The following SUPT3H variants were observed in gnomAD, a reference collection of about 807,000 sequenced individuals.
The protein encoded by SUPT3H is SPT3 homolog, SAGA and STAGA complex component.
SUPT3H carries 44 observed loss-of-function variants against 44.3 expected under a neutral mutation model. The observed-to-expected ratio is 0.99, with a 90% CI of 0.78 to 1.28. The LOEUF (loss-of-function observed/expected upper bound fraction) is 1.28. Ranked by LOEUF, SUPT3H falls within the 50% of genes most tolerant of loss-of-function variation. SUPT3H has a pLI of 0.00. For missense variants in SUPT3H, 380 were observed against 387.1 expected, an observed-to-expected ratio of 0.98 and a Z score of 0.15; for synonymous variants, 124 against 125.6, an observed-to-expected ratio of 0.99 and a Z score of 0.09.
At chr6:45,210,119 A>AC (rs535729324) in intron 2 of SUPT3H, among the ~76,000 whole-genome samples, 30 of 152,316 alleles carry the variant, frequency 2.0e-4, no homozygotes, top group Non-Finnish European at 4.0e-4. Context: ...ACATAAGGCT[A>AC]CTGGAAAGGA....
chr6:44,899,127 C>T (rs1378892690), intron 10 of SUPT3H: 1 of 152,132 alleles, frequency 6.6e-6, no homozygotes, highest in Non-Finnish European at 1.5e-5. Flanking sequence ...AGAAGATTCA[C>T]ACTTTTTAGA....
chr6:45,037,504 GA>G (rs1278036707), intron 3 of SUPT3H, among the ~76,000 whole-genome samples: 4 of 147,234 alleles, frequency 2.7e-5, no homozygotes, highest in Non-Finnish European at 4.5e-5. Context: ...AAAAAAAAAA[GA>G]AAAAAAAAGT....
rs776251390 is a variant in SUPT3H at position 45,328,649 on chromosome 6, T to G, written c.101+36552A>C. ...AACTAAAACAAGGTTTGGGTATGGTTTGTATTTTCAGTTTAAGGCTGCAAG... is the reference window on the plus strand; with the variant it reads ...AACTAAAACAAGGTTTGGGTATGGTGTGTATTTTCAGTTTAAGGCTGCAAG... On this transcript the variant is annotated intron_variant, in intron 2 of 10. Transcript: ENST00000371459. 8 of 1,610,846 alleles carry G rather than the reference T, an allele frequency of 5.0e-6. 1 individual carries two copies. The South Asian group carries it at 8.8e-5, about 18-fold the overall frequency.
At chr6:45,293,149 A>C (rs1242625704) in intron 2 of SUPT3H, among the ~76,000 whole-genome samples, 1 of 152,192 alleles carries the variant, frequency 6.6e-6, no homozygotes, top group Non-Finnish European at 1.5e-5. Flanking sequence ...TTCAAACCAC[A>C]GTGGGATAAA....
At position 44,828,321 on chromosome 6, in the gene SUPT3H, G is replaced by A. The variant is rs589285; in HGVS notation, c.*1495C>T. 0.02 allele frequency among the ~76,000 whole-genome samples: 3,099 copies of A among 152,120 alleles called. 42 individuals are homozygous for A. The highest frequency in any genetic ancestry group is 0.033 in the Non-Finnish European group (2,215 of 67,972). On this transcript the variant is annotated 3_prime_UTR_variant, in exon 11 of 11. Transcript: ENST00000371459. ...CATAGATGGAACATCAAAATCCTTT[G>A]GGAATATTTTGATATTATATATCTA...
intron 2 of SUPT3H, among the ~76,000 whole-genome samples, chr6:45,328,981 G>C (rs1158453704): frequency 1.3e-5 from 2 of 151,896 alleles, no homozygotes; most frequent in Non-Finnish European, 2.9e-5. Flanking sequence ...AATTTTCAAA[G>C]TAATGACTTG....
chr6:44,952,700 T>C (rs1169080589), intron 9 of SUPT3H, among the ~76,000 whole-genome samples: 1 of 152,204 alleles, frequency 6.6e-6, no homozygotes, highest in African/African-American at 2.4e-5. Flanking sequence ...GTAGATGCTG[T>C]TTACAGAGGA....
intron 6 of SUPT3H, among the ~76,000 whole-genome samples, chr6:44,967,650 G>A (rs1432500202): frequency 2.6e-5 from 4 of 152,158 alleles, no homozygotes; most frequent in Non-Finnish European, 2.9e-5. Flanking sequence ...ATTTTTAAAG[G>A]TTATGGAAGC....
At chr6:45,232,765 C>T (rs1768294189) in intron 2 of SUPT3H, among the ~76,000 whole-genome samples, 1 of 152,154 alleles carries the variant, frequency 6.6e-6, no homozygotes, top group Admixed American at 6.5e-5. Context: ...AGGAGCACCA[C>T]AGCACTGCAT....
chr6:44,879,456 C>A (rs958826124), intron 10 of SUPT3H, among the ~76,000 whole-genome samples: 15 of 152,212 alleles, frequency 9.9e-5, no homozygotes, highest in African/African-American at 3.6e-4. Context: ...CTCCCATCTT[C>A]CTGGGACAGA....
intron 10 of SUPT3H, among the ~76,000 whole-genome samples, chr6:44,921,286 C>T (rs1179224393): frequency 6.6e-6 from 1 of 152,186 alleles, no homozygotes; most frequent in Non-Finnish European, 1.5e-5. Flanking sequence ...AAGTGCTGTC[C>T]TTTGTATGCG....
intron 2 of SUPT3H, among the ~76,000 whole-genome samples, chr6:45,111,146 C>T (rs1259821249): frequency 6.6e-6 from 1 of 151,766 alleles, no homozygotes; most frequent in Non-Finnish European, 1.5e-5. Context: ...AACTGTCCTG[C>T]CTCAGCCTCC....
chr6:45,068,516 C>G (rs1793816628), intron 3 of SUPT3H, among the ~76,000 whole-genome samples: 1 of 151,998 alleles, frequency 6.6e-6, no homozygotes, highest in African/African-American at 2.4e-5. Context: ...TAGGGGTAAT[C>G]TCCTAAAATA....
intron 10 of SUPT3H, among the ~76,000 whole-genome samples, chr6:44,836,534 C>T (rs1022154771): frequency 1.3e-5 from 2 of 152,044 alleles, no homozygotes; most frequent in African/African-American, 4.8e-5. Context: ...TCATTTTATG[C>T]CCGATTTTCC....
At chr6:45,202,908 G>T (rs942819073) in intron 2 of SUPT3H, among the ~76,000 whole-genome samples, 1 of 151,656 alleles carries the variant, frequency 6.6e-6, no homozygotes, top group Non-Finnish European at 1.5e-5. Flanking sequence ...ACAAATGTAT[G>T]TGTGTGTGTG....
chr6:45,368,010 T>C (rs1343047539), intron 1 of SUPT3H, among the ~76,000 whole-genome samples: 2 of 152,172 alleles, frequency 1.3e-5, no homozygotes, highest in Non-Finnish European at 2.9e-5. Flanking sequence ...ATTCCAATGC[T>C]CTATTTCCTT....
intron 2 of SUPT3H, among the ~76,000 whole-genome samples, chr6:45,223,169 A>G (rs1177892021): frequency 1.3e-5 from 2 of 152,016 alleles, no homozygotes; most frequent in African/African-American, 2.4e-5. Flanking sequence ...GTGAGAAAAA[A>G]AGAACTAAAC....
chr6:45,158,096 A>G (rs11970496), intron 2 of SUPT3H, among the ~76,000 whole-genome samples: 32,659 of 145,074 alleles, frequency 0.23, 4,284 homozygotes, highest in Non-Finnish European at 0.31. Flanking sequence ...ATATTTATAT[A>G]CTAATATATA....
At chr6:45,016,533 C>G (rs371486692) in intron 4 of SUPT3H, among the ~76,000 whole-genome samples, 4 of 135,370 alleles carry the variant, frequency 3.0e-5, no homozygotes, top group African/African-American at 1.1e-4. Flanking sequence ...GTGATGTTCC[C>G]CTTACTGTGT....
Sources: gnomAD v4.1 joint callset for allele counts (sites outside exome capture counted in the v4.1 genomes callset) on GRCh38, gnomAD v4.1.1 for gene constraint, MANE v1.5 for transcripts, NCBI Gene and HGNC (gene_info 2026-07-23, HGNC 2026-07-21) for gene names.